Variants in PTPRN2 observed in about 807,000 individuals in gnomAD.
PTPRN2 encodes protein tyrosine phosphatase receptor type N2.
In PTPRN2, 74 loss-of-function variants were observed where a neutral mutation model predicts 118.8. The observed-to-expected ratio is 0.62, with a 90% CI of 0.52 to 0.76. The LOEUF is 0.76. Ranked by LOEUF, PTPRN2 falls within the 30% of genes least tolerant of loss-of-function variation. The pLI is 0.00. For missense variants in PTPRN2, 1,481 were observed against 1,394.4 expected (o/e 1.06, Z -0.99); for synonymous variants, 641 against 608.0 (o/e 1.05, Z -0.80).
intron 7 of PTPRN2, among the ~76,000 whole-genome samples, chr7:158,137,365 C>T (rs993508503): frequency 1.3e-5 from 2 of 151,988 alleles, no homozygotes; most frequent in Non-Finnish European, 2.9e-5. Flanking sequence ...TGCAGTGAGC[C>T]GAGATCACGT....
chr7:158,095,138 G>A (rs959821372), intron 10 of PTPRN2, among the ~76,000 whole-genome samples: 11 of 151,870 alleles, frequency 7.2e-5, no homozygotes, highest in Non-Finnish European at 7.4e-5. Context: ...AACCTGCCCC[G>A]CCCATCTGCC....
intron 11 of PTPRN2, among the ~76,000 whole-genome samples, chr7:157,981,902 T>C (rs1457723864): frequency 6.6e-6 from 1 of 152,256 alleles, no homozygotes; most frequent in African/African-American, 2.4e-5. Context: ...TGGAGGTTGT[T>C]AGAATTTGTA....
intron 1 of PTPRN2, among the ~76,000 whole-genome samples, chr7:158,549,512 C>G (rs964682199): frequency 6.6e-6 from 1 of 152,266 alleles, no homozygotes; most frequent in African/African-American, 2.4e-5. Context: ...GTAAAATTCC[C>G]GTAAGCTACG....
chr7:158,229,218 A>G (rs941449941), intron 3 of PTPRN2, among the ~76,000 whole-genome samples: 1 of 152,026 alleles, frequency 6.6e-6, no homozygotes, highest in Non-Finnish European at 1.5e-5. Flanking sequence ...TAGAAGGGGG[A>G]GAAAAAGAAA....
chr7:158,069,352 C>A (rs1431003301), intron 11 of PTPRN2, among the ~76,000 whole-genome samples: 1 of 152,186 alleles, frequency 6.6e-6, no homozygotes, highest in Non-Finnish European at 1.5e-5. Context: ...AGGTACATCA[C>A]CACGCTTGGC....
chr7:157,915,184 A>C (rs2117515), intron 11 of PTPRN2, among the ~76,000 whole-genome samples: 32,092 of 152,066 alleles, frequency 0.21, 3,745 homozygotes, highest in Admixed American at 0.36. Flanking sequence ...GTATGTTTTA[A>C]AATTTTTTAT....
At chr7:158,479,908 A>C (rs757804038) in intron 2 of PTPRN2, among the ~76,000 whole-genome samples, 1 of 152,200 alleles carries the variant, frequency 6.6e-6, no homozygotes, top group Non-Finnish European at 1.5e-5. Context: ...CCTGCTCTGG[A>C]GATCGACTGC....
Position 158,253,304 on chromosome 7 carries a change from C to G in PTPRN2, c.278-48031G>C, listed in dbSNP as rs543197216. Among the ~76,000 whole-genome samples the G allele has an allele frequency of 6.0e-5, 9 of 150,376 alleles. No individual in the cohort carries two copies. The South Asian group carries it at 6.3e-4, about 10-fold the overall frequency. On this transcript the variant is annotated intron_variant, in intron 3 of 22. Transcript: ENST00000389418. ...CACAGCGGGCGGGGGCCTGAGGACT[C>G]GAGGACTGACCGGGGCCAGCACAGC... is the stretch of plus-strand genomic sequence containing the variant.
intron 1 of PTPRN2, among the ~76,000 whole-genome samples, chr7:158,492,210 C>T (rs888703910): frequency 7.2e-5 from 11 of 152,240 alleles, no homozygotes; most frequent in African/African-American, 2.2e-4. Context: ...TGTCGTGGAA[C>T]GTCCCTGGTC....
At chr7:157,863,661 C>T (rs1368567846) in intron 12 of PTPRN2, 1 of 152,260 alleles carries the variant, frequency 6.6e-6, no homozygotes, top group Non-Finnish European at 1.5e-5. Context: ...CAGCCTTGAC[C>T]CCCAGGACCT....
chr7:158,395,346 G>A, intron 2 of PTPRN2, among the ~76,000 whole-genome samples: 1 of 10,452 alleles, frequency 9.6e-5, no homozygotes, highest in African/African-American at 4.2e-4. Context: ...GGCGCGAGGG[G>A]CCAGGGGCCA....
intron 1 of PTPRN2, among the ~76,000 whole-genome samples, chr7:158,535,469 G>T (rs139214346): frequency 6.6e-6 from 1 of 152,040 alleles, no homozygotes; most frequent in Non-Finnish European, 1.5e-5. Context: ...TGCTGTTTTC[G>T]TTCTCCTGAT....
chr7:158,286,890 T>G (rs1799804233), intron 3 of PTPRN2, among the ~76,000 whole-genome samples: 1 of 152,238 alleles, frequency 6.6e-6, no homozygotes. Flanking sequence ...GTATTCCTCT[T>G]CTTCAGTTTT....
intron 9 of PTPRN2, among the ~76,000 whole-genome samples, chr7:158,125,298 C>G (rs1817553755): frequency 6.6e-6 from 1 of 150,466 alleles, no homozygotes; most frequent in African/African-American, 2.5e-5. Context: ...GACCCCCTGC[C>G]TCAAGTCCCT....
chr7:158,247,908 G>A (rs1467717050), intron 3 of PTPRN2, among the ~76,000 whole-genome samples: 1 of 152,136 alleles, frequency 6.6e-6, no homozygotes, highest in Non-Finnish European at 1.5e-5. Context: ...GATCCACCGC[G>A]CCCAGCCTAC....
At chr7:157,736,268 C>T (rs1800291004) in intron 12 of PTPRN2, among the ~76,000 whole-genome samples, 1 of 152,186 alleles carries the variant, frequency 6.6e-6, no homozygotes, top group African/African-American at 2.4e-5. Flanking sequence ...TTAACTCTGG[C>T]CTTGCAGTTT....
intron 11 of PTPRN2, among the ~76,000 whole-genome samples, chr7:157,933,425 ACT>A (rs1367267996): frequency 3.6e-5 from 5 of 138,556 alleles, no homozygotes; most frequent in African/African-American, 1.1e-4. Context: ...AGGGTGAGTC[ACT>A]CTGATTGACA....
chr7:157,624,148 C>T (rs531566078), intron 14 of PTPRN2, among the ~76,000 whole-genome samples: 175 of 152,268 alleles, frequency 1.1e-3, no homozygotes, highest in Admixed American at 2.5e-3. Context: ...AGGCCGGGCT[C>T]GGTGGCTCAC....
intron 2 of PTPRN2, among the ~76,000 whole-genome samples, chr7:158,484,096 A>G (rs1161229697): frequency 6.6e-6 from 1 of 152,200 alleles, no homozygotes; most frequent in African/African-American, 2.4e-5. Context: ...TTAGGCTAGG[A>G]TTGCACCACT....
Sources: gnomAD v4.1 joint callset for allele counts (sites outside exome capture counted in the v4.1 genomes callset) on GRCh38, gnomAD v4.1.1 for gene constraint, MANE v1.5 for transcripts, NCBI Gene and HGNC (gene_info 2026-07-23, HGNC 2026-07-21) for gene names.